FLI1: variants seen among roughly 807,000 people sequenced by gnomAD.
FLI1 encodes the protein Fli-1 proto-oncogene, ETS transcription factor.
In FLI1, 13 loss-of-function variants were observed where a neutral mutation model predicts 53.1. That is an observed-to-expected ratio of 0.24 (90% CI 0.16 to 0.39). The LOEUF is 0.39. Ranked by LOEUF, FLI1 falls within the 10% of genes least tolerant of loss-of-function variation. The pLI is 1.00. For missense variants in FLI1, 424 were observed against 600.5 expected (o/e 0.71, Z 3.07); for synonymous variants, 244 against 236.7 (o/e 1.03, Z -0.28).
intron 1 of FLI1, among the ~76,000 whole-genome samples, chr11:128,706,106 G>A (rs1251388487): frequency 6.6e-6 from 1 of 152,048 alleles, no homozygotes; most frequent in African/African-American, 2.4e-5. Context: ...TCTCTACATA[G>A]GGTTTAACCT....
chr11:128,753,137 C>T (rs888487182), intron 1 of FLI1, among the ~76,000 whole-genome samples: 1 of 152,204 alleles, frequency 6.6e-6, no homozygotes, highest in Non-Finnish European at 1.5e-5. Context: ...GACTCAGTGG[C>T]TCTGGACCCA....
At chr11:128,760,540 T>TTC (rs1941072618) in intron 2 of FLI1, among the ~76,000 whole-genome samples, 1 of 144,604 alleles carries the variant, frequency 6.9e-6, no homozygotes, top group Non-Finnish European at 1.5e-5. Context: ...TTTTTTTTTT[T>TTC]TTTTTGAGAT....
chr11:128,716,403 T>C (rs2135727801), intron 1 of FLI1, among the ~76,000 whole-genome samples: 1 of 152,340 alleles, frequency 6.6e-6, no homozygotes, highest in East Asian at 1.9e-4. Context: ...GTTATTCTTC[T>C]GTCTGGTTAG....
Position 128,751,566 on chromosome 11 carries a change from G to A in FLI1, c.19-6549G>A, listed in dbSNP as rs143436064. 2.0e-3 allele frequency among the ~76,000 whole-genome samples: 306 copies of A among 151,490 alleles called. 7 individuals are homozygous for A. The East Asian group carries it at 0.037, about 18-fold the overall frequency. On this transcript the variant is annotated intron_variant, in intron 1 of 8. Coordinates refer to ENST00000527786, the MANE Select transcript of FLI1 (RefSeq NM_002017.5). ...TTTTGAGACGGAGTCTCGCTCTGTC[G>A]CCCAGGCTGAAGTGCAGTGGTGTGA... is the stretch of plus-strand genomic sequence containing the variant.
intron 1 of FLI1, among the ~76,000 whole-genome samples, chr11:128,745,377 C>G (rs1940336620): frequency 6.6e-6 from 1 of 152,162 alleles, no homozygotes; most frequent in Non-Finnish European, 1.5e-5. Context: ...CCAGGCCCCA[C>G]CTCCCTCCAT....
chr11:128,748,993 T>C (rs1256044922), intron 1 of FLI1, among the ~76,000 whole-genome samples: 4 of 152,226 alleles, frequency 2.6e-5, no homozygotes, highest in Non-Finnish European at 5.9e-5. Flanking sequence ...GTTTGGTTTT[T>C]GTCTGTTGTT....
chr11:128,701,261 T>C (rs1938320675), intron 1 of FLI1, among the ~76,000 whole-genome samples: 1 of 152,226 alleles, frequency 6.6e-6, no homozygotes, highest in Non-Finnish European at 1.5e-5. Context: ...TTGGGCCTTC[T>C]ATCCTGGGCT....
At chr11:128,795,575 T>TG (rs1045194694) in intron 5 of FLI1, among the ~76,000 whole-genome samples, 7 of 151,478 alleles carry the variant, frequency 4.6e-5, no homozygotes, top group Admixed American at 4.6e-4. Context: ...TTTTTTTTTT[T>TG]TTGAGACAGA....
chr11:128,761,807 T>G (rs1025973305), intron 2 of FLI1, among the ~76,000 whole-genome samples: 1 of 152,162 alleles, frequency 6.6e-6, no homozygotes, highest in African/African-American at 2.4e-5. Context: ...GTGTGAATAT[T>G]CCAGTGAACA....
At chr11:128,781,315 A>G (rs1941909649) in intron 4 of FLI1, among the ~76,000 whole-genome samples, 1 of 152,222 alleles carries the variant, frequency 6.6e-6, no homozygotes, top group East Asian at 1.9e-4. Context: ...ATATGTACAT[A>G]AACCCAGAAG....
chr11:128,746,867 C>T (rs1940413485), intron 1 of FLI1, among the ~76,000 whole-genome samples: 1 of 152,174 alleles, frequency 6.6e-6, no homozygotes, highest in Admixed American at 6.5e-5. Context: ...CCCAAAGTTG[C>T]ACAGCCAATA....
chr11:128,758,357 G>A (rs1371633603), intron 2 of FLI1, 31 bp downstream of exon 2: 1 of 1,589,754 alleles, frequency 6.3e-7, no homozygotes. Flanking sequence ...CAGGATTGGG[G>A]GAAGGCACAA....
chr11:128,790,104 G>A (rs890072276), intron 5 of FLI1, among the ~76,000 whole-genome samples: 8 of 140,696 alleles, frequency 5.7e-5, no homozygotes, highest in Non-Finnish European at 1.3e-4. Flanking sequence ...GTGCACGCGT[G>A]CTGTTTCTGT....
chr11:128,697,861 T>A (rs774699929), intron 1 of FLI1, among the ~76,000 whole-genome samples: 16 of 152,138 alleles, frequency 1.1e-4, no homozygotes, highest in Non-Finnish European at 1.3e-4. Flanking sequence ...TAGACGCTAG[T>A]GGAGGGAGCT....
At chr11:128,694,917 G>C (rs896343395) in intron 1 of FLI1, among the ~76,000 whole-genome samples, 63 of 152,120 alleles carry the variant, frequency 4.1e-4, no homozygotes, top group Non-Finnish European at 7.5e-4. Flanking sequence ...GAGAGCCGCC[G>C]GCTCCGCGGG....
intron 5 of FLI1, among the ~76,000 whole-genome samples, chr11:128,792,283 T>G (rs547705353): frequency 2.0e-5 from 3 of 152,026 alleles, no homozygotes; most frequent in South Asian, 2.1e-4. Flanking sequence ...CATCATGCAT[T>G]TCCCCCAAGT....
At chr11:128,750,606 T>C (rs1375972868) in intron 1 of FLI1, among the ~76,000 whole-genome samples, 3 of 152,220 alleles carry the variant, frequency 2.0e-5, no homozygotes, top group African/African-American at 7.2e-5. Flanking sequence ...CTTGCCCCTC[T>C]GGAGGCTTTT....
chr11:128,724,277 C>A (rs1179726008), intron 1 of FLI1, among the ~76,000 whole-genome samples: 1 of 152,090 alleles, frequency 6.6e-6, no homozygotes, highest in African/African-American at 2.4e-5. Flanking sequence ...TCAGAATTTA[C>A]CAGACAGGGT....
rs142673909 is a variant in FLI1, at chr11:128,724,310, C to T, written c.18+30034C>T. Among the ~76,000 whole-genome samples the T allele has an allele frequency of 1.2e-3, 182 of 152,070 alleles. 1 individual carries two copies. The East Asian group carries it at 0.015, about 13-fold the overall frequency. ...GGTATTCCAGGGAGAGGGACCAGCA[C>T]GGAAAGGGTGTGAACATGGGATGGT... On this transcript the variant is annotated intron_variant, in intron 1 of 8. Coordinates refer to ENST00000527786, the MANE Select transcript of FLI1 (RefSeq NM_002017.5).
Sources: gnomAD v4.1 joint callset for allele counts (sites outside exome capture counted in the v4.1 genomes callset) on GRCh38, gnomAD v4.1.1 for gene constraint, MANE v1.5 for transcripts, NCBI Gene and HGNC (gene_info 2026-07-23, HGNC 2026-07-21) for gene names.